CTIF: variants seen among roughly 807,000 people sequenced by gnomAD.
CTIF encodes the protein cap binding complex dependent translation initiation factor.
Under a neutral mutation model 66.0 loss-of-function variants are expected in CTIF, and 21 were observed. The ratio of observed to expected loss-of-function variants is 0.32; its 90% CI spans 0.23 to 0.46. The LOEUF (loss-of-function observed/expected upper bound fraction) is 0.46. Ranked by LOEUF, CTIF falls within the 20% of genes least tolerant of loss-of-function variation. The pLI, the probability that CTIF is intolerant of heterozygous loss-of-function variation, is 1.00. For synonymous variants in CTIF, 345 were observed against 326.4 expected, an observed-to-expected ratio of 1.06 and a Z score of -0.62; for missense variants, 739 against 812.7, an observed-to-expected ratio of 0.91 and a Z score of 1.10.
chr18:48,675,788 G>T (rs1310557343), intron 6 of CTIF, among the ~76,000 whole-genome samples: 6 of 152,212 alleles, frequency 3.9e-5, no homozygotes. Context: ...CCACTGGGGT[G>T]GGGCTGGGGG....
chr18:48,855,236 C>T (rs1418900641), intron 10 of CTIF, among the ~76,000 whole-genome samples: 1 of 152,214 alleles, frequency 6.6e-6, no homozygotes, highest in Admixed American at 6.5e-5. Context: ...CAGAGAGACC[C>T]AGTCTGTAGT....
At chr18:48,811,428 AATAAC>A (rs1325075253) in intron 9 of CTIF, among the ~76,000 whole-genome samples, 1 of 152,194 alleles carries the variant, frequency 6.6e-6, no homozygotes. Flanking sequence ...GTAGTTTTAA[AATAAC>A]ATAAAATATA....
At chr18:48,672,789 A>G (rs1350334304) in intron 6 of CTIF, among the ~76,000 whole-genome samples, 2 of 151,628 alleles carry the variant, frequency 1.3e-5, no homozygotes, top group African/African-American at 4.9e-5. Flanking sequence ...AGAGGCCCAG[A>G]CCCCCATCTC....
chr18:48,718,542 A>C (rs1303544770), intron 7 of CTIF, among the ~76,000 whole-genome samples: 1 of 152,170 alleles, frequency 6.6e-6, no homozygotes, highest in East Asian at 1.9e-4. Flanking sequence ...GGGATGTCCA[A>C]GGGCAGGAGA....
intron 1 of CTIF, among the ~76,000 whole-genome samples, chr18:48,594,126 G>A (rs377346919): frequency 2.7e-5 from 4 of 150,616 alleles, no homozygotes; most frequent in East Asian, 4.0e-4. Flanking sequence ...CTTTGGTGTC[G>A]TGAACTGTGG....
At chr18:48,669,793 T>TTATATATATATATATATA in intron 5 of CTIF, among the ~76,000 whole-genome samples, 1 of 47,260 alleles carries the variant, frequency 2.1e-5, no homozygotes. Flanking sequence ...AGCTAAACAT[T>TTATATATATATATATATA]TATATATATA....
At chr18:48,660,040 G>A (rs1347938771) in intron 3 of CTIF, among the ~76,000 whole-genome samples, 1 of 150,372 alleles carries the variant, frequency 6.7e-6, no homozygotes, top group Non-Finnish European at 1.5e-5. Flanking sequence ...GCTCTTGGAG[G>A]AGCACTGGTT....
At chr18:48,601,093 A>G (rs1196008160) in intron 1 of CTIF, among the ~76,000 whole-genome samples, 1 of 152,170 alleles carries the variant, frequency 6.6e-6, no homozygotes, top group Non-Finnish European at 1.5e-5. Flanking sequence ...AGGGTATCTC[A>G]GCTCAGCTGA....
intron 1 of CTIF, among the ~76,000 whole-genome samples, chr18:48,553,804 C>T (rs545323754): frequency 1.6e-4 from 24 of 150,546 alleles, no homozygotes; most frequent in East Asian, 8.0e-4. Flanking sequence ...TACAGGTGCC[C>T]GCCACCATGC....
At chr18:48,709,919 TA>T (rs1485776807) in intron 6 of CTIF, among the ~76,000 whole-genome samples, 3 of 152,238 alleles carry the variant, frequency 2.0e-5, no homozygotes, top group African/African-American at 7.2e-5. Flanking sequence ...GGATTGTTAT[TA>T]AAATGTATTT....
intron 7 of CTIF, among the ~76,000 whole-genome samples, chr18:48,724,678 T>C (rs2092370802): frequency 6.6e-6 from 1 of 152,222 alleles, no homozygotes; most frequent in African/African-American, 2.4e-5. Flanking sequence ...CCCTGCTGTG[T>C]GTGAGCTCCT....
At chr18:48,610,469 G>A (rs988778431) in intron 1 of CTIF, among the ~76,000 whole-genome samples, 4 of 152,156 alleles carry the variant, frequency 2.6e-5, no homozygotes, top group Admixed American at 6.5e-5. Context: ...CTACCTGCCC[G>A]GGTGGGTTGC....
chr18:48,622,031 G>A (rs1323277759), intron 2 of CTIF, among the ~76,000 whole-genome samples: 2 of 152,198 alleles, frequency 1.3e-5, no homozygotes, highest in African/African-American at 4.8e-5. Context: ...CGGCCACGAA[G>A]GTGCAGAGGC....
intron 2 of CTIF, among the ~76,000 whole-genome samples, chr18:48,632,542 C>A (rs1033581998): frequency 1.3e-5 from 2 of 152,200 alleles, no homozygotes; most frequent in Admixed American, 1.3e-4. Flanking sequence ...ATGTGGGACC[C>A]TCCTTCCCCA....
At chr18:48,840,305 G>A (rs1276562292) in intron 10 of CTIF, among the ~76,000 whole-genome samples, 3 of 152,204 alleles carry the variant, frequency 2.0e-5, no homozygotes, top group African/African-American at 7.2e-5. Context: ...AGGGCCCAGA[G>A]CAGAAGTGGC....
chr18:48,756,794 A>G (rs781311894), intron 7 of CTIF, among the ~76,000 whole-genome samples: 10 of 152,088 alleles, frequency 6.6e-5, no homozygotes, highest in Non-Finnish European at 8.8e-5. Flanking sequence ...TTTGGCCACA[A>G]CTCAAAAGTT....
chr18:48,700,005 C>T (rs543894878), intron 6 of CTIF, among the ~76,000 whole-genome samples: 6 of 152,206 alleles, frequency 3.9e-5, no homozygotes, highest in Admixed American at 6.5e-5. Context: ...CTGCTGCTCT[C>T]GCCTTCACTG....
intron 1 of CTIF, among the ~76,000 whole-genome samples, chr18:48,541,426 A>T (rs1004902803): frequency 6.6e-5 from 10 of 152,182 alleles, no homozygotes; most frequent in Non-Finnish European, 1.3e-4. Flanking sequence ...GGAGCCGCCC[A>T]GAGCGCAGGG....
At chr18:48,705,531 T>C (rs535354246) in intron 6 of CTIF, among the ~76,000 whole-genome samples, 1 of 152,364 alleles carries the variant, frequency 6.6e-6, no homozygotes, top group Admixed American at 6.5e-5. Context: ...GGGTTAGGAC[T>C]CCAACCAGTC....
Sources: allele counts gnomAD v4.1 joint callset (sites outside exome capture counted in the v4.1 genomes callset), GRCh38; gene constraint gnomAD v4.1.1; transcripts MANE v1.5; gene names NCBI Gene and HGNC (gene_info 2026-07-23, HGNC 2026-07-21).